The following NR1I3 variants were observed in gnomAD, a reference collection of about 807,000 sequenced individuals.
The protein encoded by NR1I3 is constitutive activator of retinoid response.
NR1I3 carries 30 observed loss-of-function variants against 38.4 expected under a neutral mutation model. The observed-to-expected ratio is 0.78, with a 90% CI of 0.58 to 1.06. The LOEUF (loss-of-function observed/expected upper bound fraction) is 1.06, where lower values mean the gene tolerates loss of function less well. Ranked by LOEUF, NR1I3 falls within the 50% of genes least tolerant of loss-of-function variation. The pLI is 0.00. For synonymous variants in NR1I3, 143 were observed against 165.1 expected, an observed-to-expected ratio of 0.87 and a Z score of 1.03; for missense variants, 388 against 435.7, an observed-to-expected ratio of 0.89 and a Z score of 0.97.
In NR1I3 at chr1:161,230,971, G is replaced by A. The variant is rs748943900; in HGVS notation, c.812-53C>T. On this transcript the variant is annotated intron_variant, in intron 7 of 8. Coordinates refer to ENST00000367983, the MANE Select transcript of NR1I3 (RefSeq NM_005122.5). Reference sequence around the variant, plus strand: ...AGTTGGGTGGCAGGGGTGGGCCTGCGTGGTGCCCCGGGGACTGAGGCTGGG... The same window carrying A: ...AGTTGGGTGGCAGGGGTGGGCCTGCATGGTGCCCCGGGGACTGAGGCTGGG... The A allele has an allele frequency of 2.7e-5, 43 of 1,612,896 alleles. 1 individual carries two copies. The highest frequency in any genetic ancestry group is 3.3e-4 in the Middle Eastern group (2 of 6,082).
chr1:161,230,672 G>T, intron 8 of NR1I3, 141 bp downstream of exon 8: 1 of 1,039,742 alleles, frequency 9.6e-7, no homozygotes, highest in Non-Finnish European at 1.4e-6. Flanking sequence ...AGACAGGGAT[G>T]GCCAGGGGGA....
intron 5 of NR1I3, 34 bp from the exon 6 acceptor site, chr1:161,231,508 T>G (rs1446210985): frequency 8.3e-7 from 1 of 1,201,222 alleles, no homozygotes; most frequent in Admixed American, 2.8e-5. Context: ...CACTTTTCAA[T>G]TTTTTTTTTT....
At chr1:161,236,976 TTTTG>T (rs1253429082) in intron 1 of NR1I3, among the ~76,000 whole-genome samples, 1 of 151,688 alleles carries the variant, frequency 6.6e-6, no homozygotes, top group East Asian at 1.9e-4. Context: ...GTTTATTTTT[TTTTG>T]TTTATTTGTT....
chr1:161,233,468 G>A (rs1667809284), intron 3 of NR1I3, 130 bp from the exon 4 acceptor site: 1 of 963,302 alleles, frequency 1.0e-6, no homozygotes, highest in East Asian at 2.5e-5. Flanking sequence ...GAATTCCTGA[G>A]ACTTTCTTGG....
At chr1:161,230,680 G>C (rs765895692) in intron 8 of NR1I3, 133 bp downstream of exon 8, 56 of 1,160,616 alleles carry the variant, frequency 4.8e-5, no homozygotes, top group Non-Finnish European at 6.6e-5. Flanking sequence ...ATGGCCAGGG[G>C]GAAGGACTAG....
At chr1:161,236,145 G>A in intron 2 of NR1I3, 168 bp from the exon 3 acceptor site, 2 of 767,142 alleles carry the variant, frequency 2.6e-6, no homozygotes, top group Admixed American at 3.1e-5. Flanking sequence ...CATTTCCATG[G>A]CAACACAGGA....
chr1:161,231,268 C>G, intron 6 of NR1I3, 35 bp from the exon 7 acceptor site: 1 of 1,613,860 alleles, frequency 6.2e-7, no homozygotes, highest in Non-Finnish European at 8.5e-7. Context: ...GCCTCTAGGT[C>G]ACCTGACCAC....
chr1:161,230,650 T>G, intron 8 of NR1I3, 163 bp downstream of exon 8: 2 of 885,122 alleles, frequency 2.3e-6, no homozygotes, highest in Middle Eastern at 3.3e-4. Flanking sequence ...ATTTGGATGC[T>G]GAAACGATGT....
chr1:161,233,436 C>T (rs760291677), intron 3 of NR1I3, 98 bp from the exon 4 acceptor site: 78 of 1,314,818 alleles, frequency 5.9e-5, no homozygotes, highest in African/African-American at 1.3e-4. Context: ...CCCTGCACAA[C>T]GAAGGATGGG....
chr1:161,233,881 GTGTGTGTATA>G (rs1204019506), intron 3 of NR1I3, among the ~76,000 whole-genome samples: 5 of 123,916 alleles, frequency 4.0e-5, no homozygotes, highest in East Asian at 2.3e-4. Flanking sequence ...GTGTGTGTGT[GTGTGTGTATA>G]TGTGTGTGTA....
rs774408356 is a variant in NR1I3, at chr1:161,231,117, C to T, written c.811G>A (p.Asp271Asn). Residue 271 changes from aspartate (D) to asparagine (N), a missense_variant and splice_region_variant, in exon 7 of 9, where the codon GAC becomes AAC. Physicochemically the swap from Asp to Asn is conservative, Grantham distance 23. Transcript: ENST00000367983. ...GCTCTGGGCTTTGGGAGGTGCTCAC[C>T]AGGAGAGAAGAGGGCCATGGCAGCC... ...LLAAMALFSP[D>N]RPGVTQRDEI... 2 of 1,614,064 alleles carry T rather than the reference C, an allele frequency of 1.2e-6. No individual in the cohort carries two copies. Among genetic ancestry groups the T allele is most frequent in the Admixed American group, 1.7e-5 (1 of 60,006 alleles).
intron 4 of NR1I3, 31 bp from the exon 5 acceptor site, chr1:161,232,977 C>G (rs755931937): frequency 3.1e-6 from 5 of 1,613,426 alleles, no homozygotes; most frequent in Middle Eastern, 1.7e-4. Context: ...GCTAGAGGCT[C>G]TGGCCCTAGG....
chr1:161,233,373 A>G (rs1219547059), intron 3 of NR1I3, 35 bp from the exon 4 acceptor site: 1 of 1,599,692 alleles, frequency 6.3e-7, no homozygotes, highest in Non-Finnish European at 8.5e-7. Flanking sequence ...AAAGCTGTTG[A>G]GACCAGCAGA....
At position 161,235,676 on chromosome 1, in the gene NR1I3, A is replaced by C. The variant is rs1290958856; in HGVS notation, c.238+171T>G. 4 of 692,238 alleles carry C rather than the reference A, an allele frequency of 5.8e-6. No homozygotes were observed. The East Asian group carries it at 1.2e-4, about 20-fold the overall frequency. 42.9% of individuals were successfully genotyped at this position (692,238 alleles called of 1,614,324 possible). A position where few individuals can be genotyped will look rare whatever the true frequency, so the allele number is the denominator to read the frequency against. ...GGTGTTGTGGGAGAGCTAGATCATGAGATCACGTACTTTGAGATGGGGAGC... is the reference window on the plus strand; with the variant it reads ...GGTGTTGTGGGAGAGCTAGATCATGCGATCACGTACTTTGAGATGGGGAGC... On this transcript the variant is annotated intron_variant, in intron 3 of 8. Transcript: ENST00000367983.
intron 8 of NR1I3, 164 bp from the exon 9 acceptor site, chr1:161,230,090 G>C (rs1323455144): frequency 2.5e-6 from 2 of 794,754 alleles, no homozygotes; most frequent in East Asian, 5.5e-5. Flanking sequence ...GGTTCCAAAG[G>C]TCCTCCAGGG....
At position 161,233,278 on chromosome 1, in the gene NR1I3, T is replaced by C. The variant is rs764422186; in HGVS notation, c.299A>G (p.Gln100Arg). The change falls in exon 4 of 9, where the codon CAG becomes CGG. Residue 100 changes from glutamine (Q) to arginine (R), a missense_variant. Transcript: ENST00000367983. ...CTTACTCAGTTGCACAGGTGTTTGCTGTGCCCGCCGCTGGGCCTGCTTTGC... is the reference window on the plus strand; with the variant it reads ...CTTACTCAGTTGCACAGGTGTTTGCCGTGCCCGCCGCTGGGCCTGCTTTGC... ...RRAKQAQRRA[Q>R]QTPVQLSKEQ... 6.2e-7 allele frequency: 1 copy of C among 1,613,922 alleles called. No homozygotes were observed. Among genetic ancestry groups the C allele is most frequent in the Non-Finnish European group, 8.5e-7 (1 of 1,180,018 alleles).
At chr1:161,236,056 C>T in intron 2 of NR1I3, 79 bp from the exon 3 acceptor site, 1 of 1,482,340 alleles carries the variant, frequency 6.7e-7, no homozygotes, top group Non-Finnish European at 9.1e-7. Context: ...TCTAAAAGAC[C>T]TGGGAATCTG....
intron 1 of NR1I3, among the ~76,000 whole-genome samples, chr1:161,237,490 T>G (rs1409582889): frequency 6.6e-6 from 1 of 151,346 alleles, no homozygotes. Context: ...GAGGCCGAGG[T>G]GGGCGGATCA....
At chr1:161,233,006 C>A in intron 4 of NR1I3, 60 bp from the exon 5 acceptor site, 1 of 1,602,048 alleles carries the variant, frequency 6.2e-7, no homozygotes, top group Non-Finnish European at 8.5e-7. Flanking sequence ...TTAGGCCTCG[C>A]CAGCCTTATC....
Sources: gnomAD v4.1 joint callset for allele counts (sites outside exome capture counted in the v4.1 genomes callset) on GRCh38, gnomAD v4.1.1 for gene constraint, MANE v1.5 for transcripts, NCBI Gene and HGNC (gene_info 2026-07-23, HGNC 2026-07-21) for gene names.